Variants in TP73 observed in about 807,000 individuals in gnomAD.
TP73 encodes p53-like transcription factor.
In TP73, 25 loss-of-function variants were observed where a neutral mutation model predicts 62.5. The observed-to-expected ratio is 0.40, with a 90% CI of 0.29 to 0.56. The LOEUF is 0.56. Ranked by LOEUF, TP73 falls within the 20% of genes least tolerant of loss-of-function variation. The probability of loss-of-function intolerance (pLI) is 0.46; values close to 1 mark genes in which losing one functional copy is unlikely to be tolerated. For missense variants in TP73, 754 were observed against 913.3 expected, an observed-to-expected ratio of 0.83 and a Z score of 2.25; for synonymous variants, 423 against 377.5, an observed-to-expected ratio of 1.12 and a Z score of -1.40.
intron 6 of TP73, among the ~76,000 whole-genome samples, chr1:3,724,961 G>T (rs973033436): frequency 1.5e-4 from 23 of 152,118 alleles, no homozygotes; most frequent in Non-Finnish European, 2.6e-4. Flanking sequence ...AGAAGTTGCA[G>T]TGAGCCAAGA....
chr1:3,665,741 A>G (rs1029626997), intron 1 of TP73, among the ~76,000 whole-genome samples: 6 of 128,480 alleles, frequency 4.7e-5, no homozygotes, highest in African/African-American at 9.1e-5. Context: ...TGAAACCTCC[A>G]CCTCCCAGGT....
chr1:3,676,356 G>T (rs1399884705), intron 1 of TP73, among the ~76,000 whole-genome samples: 4 of 134,940 alleles, frequency 3.0e-5, no homozygotes, highest in Non-Finnish European at 4.7e-5. Flanking sequence ...GGGGATAGAA[G>T]ATGGGGGGCT....
Position 3,699,804 on chromosome 1 carries a change from C to T in TP73, c.187-7745C>T, listed in dbSNP as rs922938945. Among the ~76,000 whole-genome samples the T allele has an allele frequency of 1.3e-5, 2 of 152,102 alleles. No homozygotes were observed. Among genetic ancestry groups the T allele is most frequent in the African/African-American group, 2.4e-5 (1 of 41,410 alleles). Reference sequence around the variant, plus strand: ...GGAGGTGGAGCTGGGGAGGGGCCAGCGGGGCGTCAGGATTTCAGCTGACAT... The same window carrying T: ...GGAGGTGGAGCTGGGGAGGGGCCAGTGGGGCGTCAGGATTTCAGCTGACAT... On this transcript the variant is annotated intron_variant, in intron 3 of 13. Coordinates refer to ENST00000378295, the MANE Select transcript of TP73 (RefSeq NM_005427.4). The surrounding 1 kb of genome is among the most constrained non-coding windows in gnomAD (Gnocchi z 4.1).
intron 13 of TP73, 101 bp downstream of exon 13, chr1:3,731,657 C>A: frequency 9.2e-7 from 1 of 1,089,988 alleles, no homozygotes; most frequent in Non-Finnish European, 1.4e-6. Context: ...GGCTGGGAAA[C>A]TTGGAAACCC....
intron 4 of TP73, among the ~76,000 whole-genome samples, chr1:3,715,290 G>A (rs1640499306): frequency 6.6e-6 from 1 of 152,108 alleles, no homozygotes; most frequent in Non-Finnish European, 1.5e-5. Context: ...TGGAACCCGG[G>A]GTGACGCCTC....
At chr1:3,687,071 T>C (rs1645676455) in intron 3 of TP73, among the ~76,000 whole-genome samples, 1 of 152,168 alleles carries the variant, frequency 6.6e-6, no homozygotes, top group African/African-American at 2.4e-5. Context: ...CCTGCTGCCT[T>C]TGCCTGGCAC....
rs1049236809 is a variant in TP73 at position 3,696,923 on chromosome 1, G to A, written c.187-10626G>A. Among the ~76,000 whole-genome samples, 1 of 152,116 alleles carries A rather than the reference G, an allele frequency of 6.6e-6. No homozygotes were observed. Among genetic ancestry groups the A allele is most frequent in the African/African-American group, 2.4e-5 (1 of 41,418 alleles). ...CCACCCTCGGCCAGCTGCTATTTCT[G>A]TCTCCTTTGTTCTGTCCCCCATTGG... On this transcript the variant is annotated intron_variant, in intron 3 of 13. Coordinates refer to ENST00000378295, the MANE Select transcript of TP73 (RefSeq NM_005427.4). The surrounding 1 kb of genome is among the most constrained non-coding windows in gnomAD (Gnocchi z 4.1).
Position 3,727,797 on chromosome 1 carries a change from C to T in TP73, c.985+27C>T, listed in dbSNP as rs376130001. On this transcript the variant is annotated intron_variant, in intron 8 of 13. Coordinates refer to ENST00000378295, the MANE Select transcript of TP73 (RefSeq NM_005427.4). ...TGAGCGGCCGGCCAGGGGAACTGGA[C>T]GCGTGTGGGAGGAGAAGGGGACACA... The T allele has an allele frequency of 6.4e-5, 97 of 1,509,262 alleles. No individual in the cohort carries two copies. In the African/African-American group the frequency reaches 7.3e-4, roughly 11 times the overall value. The allele number at this position is 1,509,262 out of a possible 1,614,324, so 93.5% of individuals were successfully genotyped here. A position where few individuals can be genotyped will look rare whatever the true frequency, so the allele number is the denominator to read the frequency against.
chr1:3,696,002 G>A lies in TP73; in HGVS notation c.187-11547G>A, dbSNP rs76024414. 1.1e-4 allele frequency among the ~76,000 whole-genome samples: 17 copies of A among 152,336 alleles called. No homozygotes were observed. The East Asian group carries it at 1.7e-3, about 16-fold the overall frequency. On this transcript the variant is annotated intron_variant, in intron 3 of 13. Coordinates refer to ENST00000378295, the MANE Select transcript of TP73 (RefSeq NM_005427.4). The surrounding 1 kb of genome is among the most constrained non-coding windows in gnomAD (Gnocchi z 4.1). ...GCAGCAGAGCAGGGGTGAAAACGCC[G>A]CGGTCGGCCGTGGCTGTGTTGGAGA...
chr1:3,679,689 CCT>C (rs1236008147), intron 1 of TP73, among the ~76,000 whole-genome samples: 1 of 127,832 alleles, frequency 7.8e-6, no homozygotes, highest in Non-Finnish European at 1.7e-5. Flanking sequence ...TCTCTTTGTC[CCT>C]GTCTCTCTCT....
chr1:3,678,980 G>A (rs1047515989), intron 1 of TP73, among the ~76,000 whole-genome samples: 1 of 152,228 alleles, frequency 6.6e-6, no homozygotes, highest in East Asian at 1.9e-4. Context: ...GTGGTGGCCT[G>A]TCCTGTGAGC....
intron 1 of TP73, among the ~76,000 whole-genome samples, chr1:3,680,032 T>C (rs537471657): frequency 6.6e-6 from 1 of 152,182 alleles, no homozygotes; most frequent in Non-Finnish European, 1.5e-5. Context: ...TCTCTCTGTC[T>C]CTCTCTTCCT....
At chr1:3,656,584 C>G (rs1259265460) in intron 1 of TP73, among the ~76,000 whole-genome samples, 1 of 152,210 alleles carries the variant, frequency 6.6e-6, no homozygotes, top group Non-Finnish European at 1.5e-5. Flanking sequence ...CTTCAACTGG[C>G]TATTCTACTT....
At chr1:3,714,463 G>A (rs1478918166) in intron 4 of TP73, among the ~76,000 whole-genome samples, 1 of 152,216 alleles carries the variant, frequency 6.6e-6, no homozygotes, top group African/African-American at 2.4e-5. Context: ...AGGATGGTGG[G>A]GGCAAGGATG....
At chr1:3,679,130 C>T (rs564451131) in intron 1 of TP73, among the ~76,000 whole-genome samples, 19 of 152,344 alleles carry the variant, frequency 1.2e-4, no homozygotes, top group Non-Finnish European at 2.2e-4. Flanking sequence ...GAAGCTGGGT[C>T]TCCGGCAGGC....
In TP73 at chr1:3,669,089, C is replaced by T. The variant is rs372918336; in HGVS notation, c.-33-13244C>T. Among the ~76,000 whole-genome samples, 42 of 152,384 alleles carry T rather than the reference C, an allele frequency of 2.8e-4. 1 individual carries two copies. The East Asian group carries it at 6.9e-3, about 25-fold the overall frequency. ...TGACAGGGACGCTGCTGCCACCGCC[C>T]GCCTGCGGGAGCCAGGAGCCAGCCG... On this transcript the variant is annotated intron_variant, in intron 1 of 13. Coordinates refer to ENST00000378295, the MANE Select transcript of TP73 (RefSeq NM_005427.4).
In TP73 at chr1:3,672,999, A is replaced by G. The variant is rs1392859205; in HGVS notation, c.-33-9334A>G. Among the ~76,000 whole-genome samples, 1 of 152,114 alleles carries G rather than the reference A, an allele frequency of 6.6e-6. No homozygotes were observed. Among genetic ancestry groups the G allele is most frequent in the East Asian group, 1.9e-4 (1 of 5,182 alleles). ...TTCTCTTCCACCACCCACCCTCCTC[A>G]TACCCAGCCTCTGAGGGCCTCACAG... On this transcript the variant is annotated intron_variant, in intron 1 of 13. Transcript: ENST00000378295. This position sits in a 1 kb window ranked among gnomAD's most constrained non-coding sequence, Gnocchi z 5.3.
At chr1:3,690,798 G>T in intron 3 of TP73, 1 of 1,528,104 alleles carries the variant, frequency 6.5e-7, no homozygotes, top group Middle Eastern at 2.3e-4. Flanking sequence ...CTCGGTCCAC[G>T]CTGCCGGGCG....
Position 3,696,935 on chromosome 1 carries a change from C to T in TP73, c.187-10614C>T, listed in dbSNP as rs996362871. ...AGCTGCTATTTCTGTCTCCTTTGTT[C>T]TGTCCCCCATTGGACCTCCCCCCAG... On this transcript the variant is annotated intron_variant, in intron 3 of 13. Coordinates refer to ENST00000378295, the MANE Select transcript of TP73 (RefSeq NM_005427.4). This position sits in a 1 kb window ranked among gnomAD's most constrained non-coding sequence, Gnocchi z 4.1. Among the ~76,000 whole-genome samples, 36 of 152,320 alleles carry T rather than the reference C, an allele frequency of 2.4e-4. No individual in the cohort carries two copies. Among genetic ancestry groups the T allele is most frequent in the African/African-American group, 8.4e-4 (35 of 41,576 alleles).
Sources: allele counts gnomAD v4.1 joint callset (sites outside exome capture counted in the v4.1 genomes callset), GRCh38; gene constraint gnomAD v4.1.1; non-coding constraint Gnocchi (gnomAD v3.1); transcripts MANE v1.5; gene names NCBI Gene and HGNC (gene_info 2026-07-23, HGNC 2026-07-21).